Variants in STK3 observed in about 807,000 individuals in gnomAD.
The protein encoded by STK3 is serine/threonine kinase 3.
In STK3, 41 loss-of-function variants were observed where a neutral mutation model predicts 58.0. The observed-to-expected ratio is 0.71, with a 90% CI of 0.55 to 0.92. STK3 has a LOEUF of 0.92. Among genes scored for constraint, STK3 ranks in the 40% least tolerant of loss-of-function variants. The pLI is 0.00. For synonymous variants in STK3, 170 were observed against 191.0 expected (o/e 0.89, Z 0.91); for missense variants, 479 against 602.7 (o/e 0.79, Z 2.15).
intron 1 of STK3, among the ~76,000 whole-genome samples, chr8:98,799,853 T>A (rs1833405252): frequency 6.6e-6 from 1 of 152,212 alleles, no homozygotes. Flanking sequence ...ATCCTTACTC[T>A]ACAATCCCAA....
At chr8:98,923,351 C>A (rs1318383866) in intron 1 of STK3, among the ~76,000 whole-genome samples, 1 of 152,180 alleles carries the variant, frequency 6.6e-6, no homozygotes, top group Non-Finnish European at 1.5e-5. Flanking sequence ...ATAAAATTTC[C>A]ATCAACAGGT....
intron 3 of STK3, among the ~76,000 whole-genome samples, chr8:98,869,350 G>A (rs1253424097): frequency 6.6e-6 from 1 of 152,166 alleles, no homozygotes; most frequent in East Asian, 1.9e-4. Context: ...GAGCCCGGGA[G>A]GCAGAGGTTA....
the STK3 span, among the ~76,000 whole-genome samples, chr8:98,362,273 T>A: frequency 6.6e-6 from 1 of 152,134 alleles, no homozygotes; most frequent in Non-Finnish European, 1.5e-5. Flanking sequence ...GGATCTTTAC[T>A]GGAGCAAGCA....
chr8:98,662,870 C>T lies in STK3; in HGVS notation c.684+43597G>A, dbSNP rs192188534. Among the ~76,000 whole-genome samples the T allele has an allele frequency of 4.5e-3, 679 of 152,038 alleles. 7 individuals carry two copies. Among genetic ancestry groups the T allele is most frequent in the African/African-American group, 0.015 (625 of 41,518 alleles). The stretch of plus-strand genomic sequence containing the variant: ...GCCCCGGTGTGTGATGTTCCCCTTC[C>T]TGTTAATTCAAGATGGATTAAAGAC... On this transcript the variant is annotated intron_variant, in intron 6 of 10. Coordinates refer to ENST00000419617, the MANE Select transcript of STK3 (RefSeq NM_006281.4).
At chr8:98,500,529 C>G (rs1823496940) in intron 10 of STK3, among the ~76,000 whole-genome samples, 1 of 152,058 alleles carries the variant, frequency 6.6e-6, no homozygotes. Context: ...TACCCCATGA[C>G]AGGCCCCCAT....
At chr8:98,607,455 C>T (rs1816864393) in intron 6 of STK3, among the ~76,000 whole-genome samples, 1 of 152,206 alleles carries the variant, frequency 6.6e-6, no homozygotes. Flanking sequence ...CATTGTCATG[C>T]ATTCACAATT....
chr8:98,631,865 A>G (rs542504138), intron 6 of STK3, among the ~76,000 whole-genome samples: 1 of 152,176 alleles, frequency 6.6e-6, no homozygotes, highest in South Asian at 2.1e-4. Flanking sequence ...GCGTTTCACT[A>G]TGTTGGTCAG....
chr8:98,724,480 G>A (rs1468583364), intron 4 of STK3, among the ~76,000 whole-genome samples: 1 of 152,184 alleles, frequency 6.6e-6, no homozygotes, highest in African/African-American at 2.4e-5. Flanking sequence ...AGTGTGTATG[G>A]TAAAATAGTG....
At chr8:98,916,247 C>G (rs1214386569) in intron 1 of STK3, among the ~76,000 whole-genome samples, 1 of 152,112 alleles carries the variant, frequency 6.6e-6, no homozygotes, top group Non-Finnish European at 1.5e-5. Flanking sequence ...AAACCCGTCT[C>G]TACTAAAAAT....
chr8:98,712,857 A>C (rs1208603087), intron 4 of STK3, among the ~76,000 whole-genome samples: 1 of 152,182 alleles, frequency 6.6e-6, no homozygotes, highest in East Asian at 1.9e-4. Context: ...CACCACACCT[A>C]TTACAAAATT....
At chr8:98,575,706 G>A (rs528574704) in intron 8 of STK3, among the ~76,000 whole-genome samples, 31 of 150,728 alleles carry the variant, frequency 2.1e-4, no homozygotes, top group Non-Finnish European at 3.0e-4. Context: ...TCCTGGGCTC[G>A]GGCGATCCAC....
At chr8:98,555,182 T>C (rs1811499471) in intron 8 of STK3, among the ~76,000 whole-genome samples, 1 of 152,172 alleles carries the variant, frequency 6.6e-6, no homozygotes, top group South Asian at 2.1e-4. Context: ...TAAGACATGC[T>C]TATGCTAAAA....
At chr8:98,892,259 C>T (rs1838226629) in intron 1 of STK3, among the ~76,000 whole-genome samples, 1 of 152,174 alleles carries the variant, frequency 6.6e-6, no homozygotes, top group African/African-American at 2.4e-5. Context: ...TCTTCATTCC[C>T]TCTGACAGTA....
At position 98,468,535 on chromosome 8, in the gene STK3, C is replaced by T. The variant is rs191911106; in HGVS notation, c.1318-12535G>A. On this transcript the variant is annotated intron_variant, in intron 10 of 10. Transcript: ENST00000419617. The stretch of plus-strand genomic sequence containing the variant: ...TCTTGTGCAAACTTAAAAGCAAAAT[C>T]GTCGCCTGAATGAAACTGAGATTCT... 5.3e-5 allele frequency among the ~76,000 whole-genome samples: 8 copies of T among 152,226 alleles called. No individual in the cohort carries two copies. The East Asian group carries it at 9.6e-4, about 18-fold the overall frequency.
intron 3 of STK3, among the ~76,000 whole-genome samples, chr8:98,876,647 C>A (rs1272769030): frequency 6.6e-6 from 1 of 152,180 alleles, no homozygotes; most frequent in East Asian, 1.9e-4. Flanking sequence ...AGAGGAAAGT[C>A]TCTTGAGGCC....
At chr8:98,752,795 G>A (rs1455217488) in intron 3 of STK3, among the ~76,000 whole-genome samples, 4 of 151,320 alleles carry the variant, frequency 2.6e-5, no homozygotes, top group African/African-American at 9.7e-5. Context: ...ATGGGCAAAG[G>A]ACATGAACAG....
intron 9 of STK3, among the ~76,000 whole-genome samples, chr8:98,532,597 G>A (rs1482466154): frequency 6.6e-6 from 1 of 152,150 alleles, no homozygotes; most frequent in Admixed American, 6.6e-5. Context: ...ACACAAGGTT[G>A]CCACAAACCT....
chr8:98,784,938 A>G (rs1470359034), intron 1 of STK3, among the ~76,000 whole-genome samples: 1 of 150,476 alleles, frequency 6.6e-6, no homozygotes, highest in East Asian at 2.0e-4. Flanking sequence ...CAGAGATCCT[A>G]GTGTAGGGAG....
chr8:98,390,085 A>T (rs1049304512), upstream of STK3, among the ~76,000 whole-genome samples: 1 of 152,130 alleles, frequency 6.6e-6, no homozygotes, highest in African/African-American at 2.4e-5. Flanking sequence ...ATTTTCAATA[A>T]ACTGTTTCCA....
Sources: allele counts gnomAD v4.1 joint callset (sites outside exome capture counted in the v4.1 genomes callset), GRCh38; gene constraint gnomAD v4.1.1; transcripts MANE v1.5; gene names NCBI Gene and HGNC (gene_info 2026-07-23, HGNC 2026-07-21).